Variants in CNGB3 observed in about 807,000 individuals in gnomAD.
CNGB3 encodes the protein cyclic nucleotide gated channel subunit beta 3.
Under a neutral mutation model 92.8 loss-of-function variants are expected in CNGB3, and 86 were observed. The observed-to-expected ratio is 0.93, with a 90% CI of 0.78 to 1.11. The LOEUF is 1.11. Among genes scored for constraint, CNGB3 ranks in the 50% least tolerant of loss-of-function variants. The pLI, the probability that CNGB3 is intolerant of heterozygous loss-of-function variation, is 0.00. For synonymous variants in CNGB3, 333 were observed against 332.7 expected (o/e 1.00, Z -0.01); for missense variants, 1,026 against 956.8 (o/e 1.07, Z -0.95).
At chr8:86,671,176 T>C in intron 3 of CNGB3, 78 bp from the exon 4 acceptor site, 1 of 1,493,812 alleles carries the variant, frequency 6.7e-7, no homozygotes, top group East Asian at 2.3e-5. Context: ...TCTTTTCACC[T>C]TCCTTATATA....
At chr8:86,670,874 A>G in intron 4 of CNGB3, 70 bp downstream of exon 4, 1 of 1,539,312 alleles carries the variant, frequency 6.5e-7, no homozygotes, top group South Asian at 1.1e-5. Context: ...GATCCAAACT[A>G]AAACATCTGC....
intron 7 of CNGB3, among the ~76,000 whole-genome samples, chr8:86,649,292 T>G (rs985207563): frequency 6.6e-6 from 1 of 151,494 alleles, no homozygotes; most frequent in Admixed American, 6.6e-5. Flanking sequence ...ATACCAACTT[T>G]TTTTTCACAG....
At chr8:86,634,462 G>A (rs1462460344) in intron 10 of CNGB3, among the ~76,000 whole-genome samples, 3 of 152,104 alleles carry the variant, frequency 2.0e-5, no homozygotes, top group Non-Finnish European at 4.4e-5. Context: ...CTCATCAGAA[G>A]TCAAAGACAT....
chr8:86,684,609 A>C (rs1310597831), intron 3 of CNGB3, among the ~76,000 whole-genome samples: 1 of 151,160 alleles, frequency 6.6e-6, no homozygotes, highest in Non-Finnish European at 1.5e-5. Flanking sequence ...TCTTTCAATA[A>C]GTGAATGGTT....
At chr8:86,696,977 A>G (rs1485207643) in intron 3 of CNGB3, among the ~76,000 whole-genome samples, 2 of 152,212 alleles carry the variant, frequency 1.3e-5, no homozygotes, top group African/African-American at 4.8e-5. Context: ...CATGCAACAG[A>G]TGCAAAAAAA....
chr8:86,691,459 G>A (rs1824312379), intron 3 of CNGB3, among the ~76,000 whole-genome samples: 2 of 152,044 alleles, frequency 1.3e-5, no homozygotes, highest in Admixed American at 6.6e-5. Context: ...CAGTTCTCAG[G>A]GGAAATGCTT....
chr8:86,630,008 G>A (rs2131583585), intron 11 of CNGB3, among the ~76,000 whole-genome samples: 1 of 152,116 alleles, frequency 6.6e-6, no homozygotes, highest in Non-Finnish European at 1.5e-5. Context: ...TCTGCTTATG[G>A]AAAAACGACT....
At chr8:86,728,525 T>C (rs1825103007) in intron 2 of CNGB3, among the ~76,000 whole-genome samples, 1 of 152,236 alleles carries the variant, frequency 6.6e-6, no homozygotes, top group Non-Finnish European at 1.5e-5. Flanking sequence ...TTCCATTTTG[T>C]ATTGCTGTCT....
chr8:86,714,795 T>C (rs1824819039), intron 3 of CNGB3, among the ~76,000 whole-genome samples: 1 of 152,118 alleles, frequency 6.6e-6, no homozygotes, highest in Admixed American at 6.6e-5. Context: ...TCAGTGCTAC[T>C]GGTAGGGCAC....
In CNGB3 at chr8:86,635,666, T is replaced by C. The variant is rs188203053; in HGVS notation, c.1179-2773A>G. On this transcript the variant is annotated intron_variant, in intron 10 of 17. Coordinates refer to ENST00000320005, the MANE Select transcript of CNGB3 (RefSeq NM_019098.5). ...TGTAATTTAATTAGATGACCTCTTA[T>C]GGATTTCCTAAGATTAGCTTAATTA... 4.6e-3 allele frequency among the ~76,000 whole-genome samples: 694 copies of C among 151,568 alleles called. 4 individuals carry two copies. The highest frequency in any genetic ancestry group is 0.016 in the African/African-American group (652 of 41,416).
At position 86,726,495 on chromosome 8, in the gene CNGB3, C is replaced by T. The variant is rs371255602; in HGVS notation, c.338+36G>A. 4 of 1,612,886 alleles carry T rather than the reference C, an allele frequency of 2.5e-6. No homozygotes were observed. In the African/African-American group the frequency reaches 4.0e-5, roughly 16 times the overall value. ...CTCTTTAGGGCAGGCTGAGCAATATCTCTAAAATATGTTGTGTGTTTTATT... is the reference window on the plus strand; with the variant it reads ...CTCTTTAGGGCAGGCTGAGCAATATTTCTAAAATATGTTGTGTGTTTTATT... On this transcript the variant is annotated intron_variant, in intron 3 of 17. Transcript: ENST00000320005.
At chr8:86,712,722 A>G (rs1233734781) in intron 3 of CNGB3, among the ~76,000 whole-genome samples, 2 of 147,850 alleles carry the variant, frequency 1.4e-5, no homozygotes, top group Admixed American at 6.8e-5. Flanking sequence ...TACTATATCT[A>G]TTAGTTTTAT....
chr8:86,700,391 A>C (rs1041455769), intron 3 of CNGB3, among the ~76,000 whole-genome samples: 2 of 152,222 alleles, frequency 1.3e-5, no homozygotes, highest in African/African-American at 2.4e-5. Flanking sequence ...ATGAATGAAT[A>C]CTTTCAACTA....
At chr8:86,598,075 G>A (rs914500834) in intron 15 of CNGB3, among the ~76,000 whole-genome samples, 7 of 152,214 alleles carry the variant, frequency 4.6e-5, no homozygotes, top group African/African-American at 9.6e-5. Flanking sequence ...GAGGTAGGCA[G>A]GGGCTAGACT....
intron 13 of CNGB3, among the ~76,000 whole-genome samples, chr8:86,617,618 C>T (rs1350737829): frequency 6.6e-6 from 1 of 152,150 alleles, no homozygotes; most frequent in Non-Finnish European, 1.5e-5. Flanking sequence ...TTTAATATTA[C>T]TTCTAAGTAA....
intron 13 of CNGB3, among the ~76,000 whole-genome samples, chr8:86,612,376 T>A (rs1196511067): frequency 1.3e-5 from 2 of 152,206 alleles, no homozygotes; most frequent in Non-Finnish European, 2.9e-5. Flanking sequence ...ATAGTAGTTT[T>A]GAATCTTTTG....
intron 4 of CNGB3, among the ~76,000 whole-genome samples, chr8:86,669,464 T>G (rs919719029): frequency 6.6e-6 from 1 of 152,228 alleles, no homozygotes; most frequent in African/African-American, 2.4e-5. Context: ...AGCTTGATTT[T>G]CACATACTTT....
chr8:86,679,974 G>A (rs1446658085), intron 3 of CNGB3, among the ~76,000 whole-genome samples: 3 of 152,146 alleles, frequency 2.0e-5, no homozygotes, highest in African/African-American at 7.2e-5. Flanking sequence ...CACCAGAACC[G>A]AGTCTGACAG....
intron 7 of CNGB3, among the ~76,000 whole-genome samples, chr8:86,649,568 A>G (rs1224193525): frequency 6.6e-6 from 1 of 151,672 alleles, no homozygotes; most frequent in African/African-American, 2.4e-5. Flanking sequence ...TTGTTTAATA[A>G]ATGGTGCTGG....
Sources: gnomAD v4.1 joint callset for allele counts (sites outside exome capture counted in the v4.1 genomes callset) on GRCh38, gnomAD v4.1.1 for gene constraint, MANE v1.5 for transcripts, NCBI Gene and HGNC (gene_info 2026-07-23, HGNC 2026-07-21) for gene names.